PACS2: variants seen among roughly 807,000 people sequenced by gnomAD.
PACS2 encodes phosphofurin acidic cluster sorting protein 2.
Under a neutral mutation model 113.0 loss-of-function variants are expected in PACS2, and 36 were observed. The observed-to-expected ratio is 0.32, with a 90% CI of 0.24 to 0.42. The LOEUF (loss-of-function observed/expected upper bound fraction) is 0.42, where lower values mean the gene tolerates loss of function less well. Among genes scored for constraint, PACS2 ranks in the 10% least tolerant of loss-of-function variants. PACS2 has a pLI of 1.00. For synonymous variants in PACS2, 589 were observed against 536.1 expected, an observed-to-expected ratio of 1.10 and a Z score of -1.36; for missense variants, 1,015 against 1,239.5, an observed-to-expected ratio of 0.82 and a Z score of 2.72.
chr14:105,334,930 G>A (rs1009904957), intron 1 of PACS2, among the ~76,000 whole-genome samples: 10 of 152,264 alleles, frequency 6.6e-5, no homozygotes, highest in South Asian at 2.1e-4. Context: ...CCTCCATGGG[G>A]TGGGGTTCCC....
rs797042959 is a variant in PACS2 at position 105,340,541 on chromosome 14, C to T, written c.120-7952C>T. 3.3e-5 allele frequency among the ~76,000 whole-genome samples: 5 copies of T among 152,208 alleles called. No individual in the cohort carries two copies. The highest frequency in any genetic ancestry group is 2.1e-4 in the South Asian group (1 of 4,832). On this transcript the variant is annotated intron_variant, in intron 1 of 24. Transcript: ENST00000447393. The surrounding 1 kb of genome is among the most constrained non-coding windows in gnomAD (Gnocchi z 4.2). ...TAAGCAGCGTGCAGCCTGGATCCCTCGCGTGCACAGTTACAATAGGGTTCT... is the reference window on the plus strand; with the variant it reads ...TAAGCAGCGTGCAGCCTGGATCCCTTGCGTGCACAGTTACAATAGGGTTCT...
At chr14:105,333,580 G>A (rs2059387891) in intron 1 of PACS2, among the ~76,000 whole-genome samples, 1 of 152,240 alleles carries the variant, frequency 6.6e-6, no homozygotes. Flanking sequence ...CCTGGGACCC[G>A]TTGGGCTTGC....
chr14:105,359,331 T>C (rs2060580329), intron 4 of PACS2, among the ~76,000 whole-genome samples: 1 of 152,008 alleles, frequency 6.6e-6, no homozygotes, highest in African/African-American at 2.4e-5. Flanking sequence ...TTTTTAAATT[T>C]TTTTCGTGAT....
chr14:105,347,826 G>A lies in PACS2; in HGVS notation c.120-667G>A, dbSNP rs143788863. Reference sequence around the variant, plus strand: ...GGATTTGGAGCCCTGGCGCGTGTACGGCAGATGCCCCGGGGAGATGGCATG... The same window carrying A: ...GGATTTGGAGCCCTGGCGCGTGTACAGCAGATGCCCCGGGGAGATGGCATG... On this transcript the variant is annotated intron_variant, in intron 1 of 24. Coordinates refer to ENST00000447393, the MANE Select transcript of PACS2 (RefSeq NM_001100913.3). Among the ~76,000 whole-genome samples the A allele has an allele frequency of 7.2e-4, 110 of 152,322 alleles. 3 individuals are homozygous for A. The East Asian group carries it at 0.02, about 27-fold the overall frequency.
chr14:105,317,204 C>T lies in PACS2; in HGVS notation c.119+2167C>T, dbSNP rs901912272. Among the ~76,000 whole-genome samples the T allele has an allele frequency of 1.3e-5, 2 of 152,216 alleles. No homozygotes were observed. Among genetic ancestry groups the T allele is most frequent in the African/African-American group, 4.8e-5 (2 of 41,446 alleles). ...TGCTGCGTACTATTCACTGGCGTGA[C>T]AGTACCTCGGCTTTGCTTCTGTCAA... On this transcript the variant is annotated intron_variant, in intron 1 of 24. Transcript: ENST00000447393. The surrounding 1 kb of genome is among the most constrained non-coding windows in gnomAD (Gnocchi z 4.2).
At chr14:105,342,322 T>C (rs1665237099) in intron 1 of PACS2, among the ~76,000 whole-genome samples, 1 of 151,810 alleles carries the variant, frequency 6.6e-6, no homozygotes, top group Non-Finnish European at 1.5e-5. Context: ...AGGCTGAGTG[T>C]AGTGGTGCAA....
At chr14:105,387,830 G>GA (rs1215860230) in intron 19 of PACS2, among the ~76,000 whole-genome samples, 6 of 152,258 alleles carry the variant, frequency 3.9e-5, no homozygotes, top group Admixed American at 2.0e-4. Context: ...CTGGGAATTG[G>GA]AGCCACCCAT....
rs994496211 is a variant in PACS2, at chr14:105,393,873, G to A, written c.2596+538G>A. On this transcript the variant is annotated intron_variant, in intron 24 of 24. Transcript: ENST00000447393. ...CCCAAAGTGCTGGGATTATGGGCGC[G>A]AGCCACCGCACCTGGCCTAAAAATA... is the stretch of plus-strand genomic sequence containing the variant. 3.3e-5 allele frequency among the ~76,000 whole-genome samples: 5 copies of A among 151,964 alleles called. No homozygotes were observed. In the South Asian group the frequency reaches 6.2e-4, roughly 19 times the overall value.
intron 1 of PACS2, among the ~76,000 whole-genome samples, chr14:105,338,346 C>A (rs1173099349): frequency 6.6e-6 from 1 of 152,214 alleles, no homozygotes; most frequent in Non-Finnish European, 1.5e-5. Flanking sequence ...CTGTAACTCA[C>A]AAAAACTGGG....
At position 105,354,015 on chromosome 14, in the gene PACS2, T is replaced by G. The variant is rs1449679142; in HGVS notation, c.298-1037T>G. Among the ~76,000 whole-genome samples, 1 of 149,424 alleles carries G rather than the reference T, an allele frequency of 6.7e-6. No homozygotes were observed. The highest frequency in any genetic ancestry group is 1.5e-5 in the Non-Finnish European group (1 of 67,314). ...AGGAGAATCGCTTGAACCCGGGAGGTGGAGGTTGGTTGCAGTGAGCTGAGA... is the reference window on the plus strand; with the variant it reads ...AGGAGAATCGCTTGAACCCGGGAGGGGGAGGTTGGTTGCAGTGAGCTGAGA... On this transcript the variant is annotated intron_variant, in intron 3 of 24. Coordinates refer to ENST00000447393, the MANE Select transcript of PACS2 (RefSeq NM_001100913.3). This position sits in a 1 kb window ranked among gnomAD's most constrained non-coding sequence, Gnocchi z 4.2.
intron 5 of PACS2, among the ~76,000 whole-genome samples, 175 bp from the exon 6 acceptor site, chr14:105,367,899 T>C (rs948603010): frequency 1.3e-5 from 2 of 151,578 alleles, no homozygotes; most frequent in Non-Finnish European, 3.0e-5. Context: ...GCCAGTGGAC[T>C]TGGGGGACTC....
At position 105,329,189 on chromosome 14, in the gene PACS2, C is replaced by T. The variant is rs969769541; in HGVS notation, c.119+14152C>T. On this transcript the variant is annotated intron_variant, in intron 1 of 24. Transcript: ENST00000447393. The surrounding 1 kb of genome is among the most constrained non-coding windows in gnomAD (Gnocchi z 6.4). ...GTCTGCAGAGGAGGCAGCTGTGGAG[C>T]GAGGGTGTGTACGGGAGCAGGATGG... 5.9e-5 allele frequency among the ~76,000 whole-genome samples: 9 copies of T among 152,112 alleles called. No individual in the cohort carries two copies. Among genetic ancestry groups the T allele is most frequent in the African/African-American group, 1.4e-4 (6 of 41,398 alleles).
chr14:105,362,694 T>C (rs782793747), intron 4 of PACS2, among the ~76,000 whole-genome samples: 13 of 150,128 alleles, frequency 8.7e-5, no homozygotes, highest in Non-Finnish European at 1.9e-4. Context: ...CTGCTAAAAA[T>C]ATAAAAATTA....
At chr14:105,341,446 T>C (rs1349357844) in intron 1 of PACS2, among the ~76,000 whole-genome samples, 1 of 152,264 alleles carries the variant, frequency 6.6e-6, no homozygotes, top group East Asian at 1.9e-4. Context: ...TTTTAAAATA[T>C]GCTTTGCTTC....
chr14:105,332,255 G>A (rs1024338979), intron 1 of PACS2, among the ~76,000 whole-genome samples: 2 of 152,138 alleles, frequency 1.3e-5, no homozygotes, highest in Admixed American at 6.5e-5. Flanking sequence ...TCCTTCCATG[G>A]GGAGCCCCTC....
Position 105,397,747 on chromosome 14 carries a change from CCCAGATGGAAAGA to C in PACS2, c.*3078_*3090del, listed in dbSNP as rs1196033629. On this transcript the variant is annotated 3_prime_UTR_variant, in exon 25 of 25. Coordinates refer to ENST00000447393, the MANE Select transcript of PACS2 (RefSeq NM_001100913.3). ...GCAGCCTTGCCACACTGTCCTCATT[CCCAGATGGAAAGA>C]CCTGAGTGCCTCTCGCCTTCCTCCG... The C allele has an allele frequency of 5.9e-5, 9 of 152,276 alleles. No homozygotes were observed. The highest frequency in any genetic ancestry group is 2.2e-4 in the African/African-American group (9 of 41,454). 9.4% of individuals were successfully genotyped at this position (152,276 alleles called of 1,614,324 possible). A position where few individuals can be genotyped will look rare whatever the true frequency, so the allele number is the denominator to read the frequency against.
At position 105,384,992 on chromosome 14, in the gene PACS2, C is replaced by T. The variant is rs781933176; in HGVS notation, c.2000+5C>T. Reference sequence around the variant, plus strand: ...GCTGACCTACAAGCAGAAGAGGTAACGCGGTGGGCCCAGGCACCATACCAC... The same window carrying T: ...GCTGACCTACAAGCAGAAGAGGTAATGCGGTGGGCCCAGGCACCATACCAC... On this transcript the variant is annotated splice_donor_5th_base_variant and intron_variant, in intron 18 of 24. Transcript: ENST00000447393. 3.5e-5 allele frequency: 53 copies of T among 1,522,224 alleles called. No homozygotes were observed. Among genetic ancestry groups the T allele is most frequent in the Non-Finnish European group, 4.5e-5 (50 of 1,117,322 alleles). 94.3% of individuals were successfully genotyped at this position (1,522,224 alleles called of 1,614,324 possible).
In PACS2 at chr14:105,381,918, G is replaced by C. The variant is rs782736529; in HGVS notation, c.1273G>C (p.Glu425Gln). The C allele has an allele frequency of 1.9e-6, 3 of 1,551,444 alleles. No individual in the cohort carries two copies. The change falls in exon 13 of 25, where the codon GAG becomes CAG. Residue 425 changes from glutamate (E) to glutamine (Q), a missense_variant. Glu to Gln is a conservative substitution (Grantham distance 29). This residue lies in a region of PACS2 where 859 missense variants were observed against 1,056.8 expected (regional missense o/e 0.81). Transcript: ENST00000447393. ...GCCTGTCCTGGTCCCCAATAGGTCC[G>C]AGGGGAAGCAGGCTGGCCGACGGGG... ...ESLVIPSTRS[E>Q]GKQAGRRGRS... is the part of the protein sequence containing the mutation.
chr14:105,387,478 C>T (rs587675250), intron 19 of PACS2, among the ~76,000 whole-genome samples: 3 of 152,322 alleles, frequency 2.0e-5, no homozygotes, highest in South Asian at 2.1e-4. Flanking sequence ...TCCGTGCCCG[C>T]GGGGCCTCCC....
Sources: allele counts gnomAD v4.1 joint callset (sites outside exome capture counted in the v4.1 genomes callset), GRCh38; gene constraint gnomAD v4.1.1; regional missense constraint gnomAD v4.1.1; non-coding constraint Gnocchi (gnomAD v3.1); transcripts MANE v1.5; gene names NCBI Gene and HGNC (gene_info 2026-07-23, HGNC 2026-07-21).